Variants in RASEF observed in about 807,000 individuals in gnomAD.
The protein encoded by RASEF is ras and EF-hand domain-containing protein.
In RASEF, 68 loss-of-function variants were observed where a neutral mutation model predicts 90.1. The ratio of observed to expected loss-of-function variants is 0.75; its 90% CI spans 0.62 to 0.92. RASEF has a LOEUF of 0.92. RASEF is among the 40% of genes least tolerant of loss of function. The pLI is 0.00. For missense variants in RASEF, 949 were observed against 937.2 expected (o/e 1.01, Z -0.16); for synonymous variants, 331 against 345.2 (o/e 0.96, Z 0.46).
chr9:83,177,141 A>T, the RASEF span, among the ~76,000 whole-genome samples: 1 of 152,160 alleles, frequency 6.6e-6, no homozygotes, highest in African/African-American at 2.4e-5. Flanking sequence ...TAAATCAGTT[A>T]ATAAAAGGGG....
chr9:83,175,918 C>A, the RASEF span, among the ~76,000 whole-genome samples: 1 of 152,084 alleles, frequency 6.6e-6, no homozygotes, highest in East Asian at 1.9e-4. Flanking sequence ...TTGGTTTATA[C>A]CCTAATATAT....
the RASEF span, among the ~76,000 whole-genome samples, chr9:83,121,972 C>T: frequency 6.6e-6 from 1 of 152,172 alleles, no homozygotes; most frequent in African/African-American, 2.4e-5. Context: ...TACACACTTA[C>T]ATTGTAGAGT....
intron 4 of RASEF, 91 bp from the exon 5 acceptor site, chr9:83,012,602 AT>A: frequency 1.8e-6 from 1 of 563,932 alleles, no homozygotes. Context: ...ACATATGAGA[AT>A]TCTAGAAGTC....
the RASEF span, among the ~76,000 whole-genome samples, chr9:83,103,176 A>T: frequency 1.6e-3 from 238 of 152,270 alleles, 1 homozygote; most frequent in African/African-American, 5.2e-3. Context: ...AAGCTGAGTG[A>T]AGTGTTTGTA....
At chr9:83,142,033 G>A in the RASEF span, among the ~76,000 whole-genome samples, 1 of 152,202 alleles carries the variant, frequency 6.6e-6, no homozygotes, top group South Asian at 2.1e-4. Context: ...GTATGAAAGA[G>A]AGTTGGAGTC....
the RASEF span, among the ~76,000 whole-genome samples, chr9:83,173,048 G>A: frequency 1.3e-5 from 2 of 151,872 alleles, no homozygotes; most frequent in Non-Finnish European, 2.9e-5. Flanking sequence ...ATTTCCTTCA[G>A]CGTTTTGAAT....
rs770894082 is a variant in RASEF at position 83,009,624 on chromosome 9, A to G, written c.959+17T>C. The G allele has an allele frequency of 2.1e-6, 3 of 1,459,094 alleles. No individual in the cohort carries two copies. 90.4% of individuals were successfully genotyped at this position (1,459,094 alleles called of 1,614,324 possible). On this transcript the variant is annotated intron_variant, in intron 6 of 16. Transcript: ENST00000376447. The stretch of plus-strand genomic sequence containing the variant: ...AATATTCTACTCAAACTAACAAATA[A>G]AATGCAAAGTTCATACCTTTCAGTA...
chr9:83,089,636 C>A, the RASEF span, among the ~76,000 whole-genome samples: 1 of 152,072 alleles, frequency 6.6e-6, no homozygotes, highest in East Asian at 1.9e-4. Context: ...GATAAGAAAT[C>A]ATTTGTTAAT....
At chr9:83,108,104 TGAG>T in the RASEF span, among the ~76,000 whole-genome samples, 8 of 152,106 alleles carry the variant, frequency 5.3e-5, no homozygotes, top group Non-Finnish European at 8.8e-5. Flanking sequence ...GAGAGGAACA[TGAG>T]GGAGCTCTCT....
intron 3 of RASEF, among the ~76,000 whole-genome samples, chr9:83,019,638 C>T (rs189571238): frequency 6.6e-6 from 1 of 152,290 alleles, no homozygotes; most frequent in East Asian, 1.9e-4. Context: ...ATATTCATGG[C>T]ACCTTAATTT....
the RASEF span, among the ~76,000 whole-genome samples, chr9:83,133,819 A>G: frequency 4.6e-5 from 7 of 152,206 alleles, no homozygotes; most frequent in Non-Finnish European, 1.0e-4. Flanking sequence ...TGAGGTTCCA[A>G]TATGGCTCAG....
chr9:83,162,428 C>T, the RASEF span, among the ~76,000 whole-genome samples: 4 of 151,902 alleles, frequency 2.6e-5, no homozygotes, highest in African/African-American at 4.8e-5. Flanking sequence ...AATTTTTGTC[C>T]TTTATTTGGT....
chr9:83,119,640 A>G, the RASEF span, among the ~76,000 whole-genome samples: 14 of 152,226 alleles, frequency 9.2e-5, no homozygotes, highest in Non-Finnish European at 1.8e-4. Flanking sequence ...AATTATTGAT[A>G]TCTCTCAGTG....
chr9:83,192,643 G>A, the RASEF span, among the ~76,000 whole-genome samples: 4 of 149,348 alleles, frequency 2.7e-5, no homozygotes, highest in African/African-American at 7.4e-5. Flanking sequence ...TAATCTGTAC[G>A]ACAAACCCCC....
At chr9:83,011,174 C>A (rs1245066141) in intron 5 of RASEF, among the ~76,000 whole-genome samples, 4 of 152,032 alleles carry the variant, frequency 2.6e-5, no homozygotes, top group African/African-American at 9.7e-5. Flanking sequence ...TTGTAATATG[C>A]AAAATGCTGC....
rs1157534855 is a variant in RASEF, at chr9:83,009,659, T to C, written c.941A>G (p.Gln314Arg). 2.5e-6 allele frequency: 4 copies of C among 1,605,516 alleles called. No individual in the cohort carries two copies. The highest frequency in any genetic ancestry group is 1.1e-5 in the South Asian group (1 of 90,828). ...LDALKSDYAD[Q>R]SLNTERDLEI... is the part of the protein sequence containing the mutation. ...TTCATACCTTTCAGTATTCAGACTC[T>C]GATCAGCATAATCACTTTTCAAAGC... Residue 314 changes from glutamine (Q) to arginine (R), a missense_variant, in exon 6 of 17, where the codon CAG becomes CGG. Physicochemically the swap from Gln to Arg is conservative, Grantham distance 43. This residue lies in a region of RASEF where 656 missense variants were observed against 592.2 expected (regional missense o/e 1.11). Coordinates refer to ENST00000376447, the MANE Select transcript of RASEF (RefSeq NM_152573.4).
At chr9:83,115,621 T>C in the RASEF span, among the ~76,000 whole-genome samples, 1 of 152,250 alleles carries the variant, frequency 6.6e-6, no homozygotes, top group African/African-American at 2.4e-5. Flanking sequence ...AGATTTTAAT[T>C]TGCCCCCTCT....
Position 83,052,911 on chromosome 9 carries a change from G to C in RASEF, c.431+9526C>G, listed in dbSNP as rs542222836. On this transcript the variant is annotated intron_variant, in intron 1 of 16. Transcript: ENST00000376447. ...TGATTGCACTGTGGTCAAAGAGATA[G>C]TTTGTTATAATTTCTGTTCTTTTAC... 6.7e-5 allele frequency among the ~76,000 whole-genome samples: 10 copies of C among 148,994 alleles called. 1 individual carries two copies. Among genetic ancestry groups the C allele is most frequent in the African/African-American group, 2.3e-4 (9 of 39,018 alleles).
the RASEF span, among the ~76,000 whole-genome samples, chr9:83,152,137 T>C: frequency 6.6e-6 from 1 of 152,186 alleles, no homozygotes; most frequent in South Asian, 2.1e-4. Flanking sequence ...TCACTCATGG[T>C]AGGTGCCCAG....
Sources: allele counts gnomAD v4.1 joint callset (sites outside exome capture counted in the v4.1 genomes callset), GRCh38; gene constraint gnomAD v4.1.1; regional missense constraint gnomAD v4.1.1; transcripts MANE v1.5; gene names NCBI Gene and HGNC (gene_info 2026-07-23, HGNC 2026-07-21).